The following NAV2 variants were observed in gnomAD, a reference collection of about 807,000 sequenced individuals.
NAV2 encodes helicase, APC down-regulated 1.
Under a neutral mutation model 223.2 loss-of-function variants are expected in NAV2, and 54 were observed. That is an observed-to-expected ratio of 0.24 (90% CI 0.19 to 0.30). NAV2 has a LOEUF of 0.30. NAV2 is among the 10% of genes least tolerant of loss of function. The probability of loss-of-function intolerance (pLI) is 1.00; values close to 1 mark genes in which losing one functional copy is unlikely to be tolerated. For synonymous variants in NAV2, 1,279 were observed against 1,239.3 expected (o/e 1.03, Z -0.67); for missense variants, 2,806 against 3,147.5 (o/e 0.89, Z 2.60).
At chr11:19,932,248 A>AC in intron 6 of NAV2, among the ~76,000 whole-genome samples, 4 of 149,220 alleles carry the variant, frequency 2.7e-5, no homozygotes, top group Non-Finnish European at 5.9e-5. Context: ...AAAAAAAAAA[A>AC]AAAAAAAAAA....
intron 1 of NAV2, among the ~76,000 whole-genome samples, chr11:19,694,872 G>C (rs552395683): frequency 1.3e-5 from 2 of 152,226 alleles, no homozygotes; most frequent in Non-Finnish European, 2.9e-5. Flanking sequence ...GCCTTTCTTG[G>C]GCCCAGTTCG....
Position 19,372,996 on chromosome 11 carries a change from C to T in NAV2, c.75+21969C>T, listed in dbSNP as rs575887612. ...TCTCTTTGAAACCTATGAGGGACAA[C>T]GAACATTTTTGGGAGTCGACTTGTT... On this transcript the variant is annotated intron_variant, in intron 1 of 37. Coordinates refer to the NAV2 transcript ENST00000360655. Among the ~76,000 whole-genome samples, 9 of 152,326 alleles carry T rather than the reference C, an allele frequency of 5.9e-5. No individual in the cohort carries two copies. In the East Asian group the frequency reaches 9.6e-4, roughly 16 times the overall value.
At chr11:19,963,598 T>C (rs2048522119) in intron 10 of NAV2, among the ~76,000 whole-genome samples, 1 of 152,068 alleles carries the variant, frequency 6.6e-6, no homozygotes, top group Non-Finnish European at 1.5e-5. Flanking sequence ...CTGAAAAAAA[T>C]AGCTGGAGAA....
chr11:20,043,539 C>T (rs557988394), intron 12 of NAV2, among the ~76,000 whole-genome samples: 1 of 152,112 alleles, frequency 6.6e-6, no homozygotes, highest in Non-Finnish European at 1.5e-5. Context: ...TCCACCTCCC[C>T]GGGGTGATCC....
intron 1 of NAV2, among the ~76,000 whole-genome samples, chr11:19,454,549 T>C (rs1470809870): frequency 6.6e-6 from 1 of 152,166 alleles, no homozygotes; most frequent in East Asian, 1.9e-4. Context: ...CCTGTTTGTT[T>C]GCAAGTTTGT....
chr11:19,512,559 T>C (rs1395504811), intron 1 of NAV2, among the ~76,000 whole-genome samples: 1 of 152,242 alleles, frequency 6.6e-6, no homozygotes, highest in Non-Finnish European at 1.5e-5. Flanking sequence ...GTAACTGTTC[T>C]GCATTCACAT....
At chr11:20,038,762 A>G (rs1016285074) in intron 12 of NAV2, among the ~76,000 whole-genome samples, 1 of 152,228 alleles carries the variant, frequency 6.6e-6, no homozygotes, top group Non-Finnish European at 1.5e-5. Context: ...GAAGTGGCTC[A>G]GCATGTCCAT....
At position 19,933,818 on chromosome 11, in the gene NAV2, G is replaced by A; in HGVS notation, c.1574G>A (p.Ser525Asn). 1 of 1,613,494 alleles carries A rather than the reference G, an allele frequency of 6.2e-7. No homozygotes were observed. Among genetic ancestry groups the A allele is most frequent in the Non-Finnish European group, 8.5e-7 (1 of 1,179,860 alleles). Residue 525 changes from serine to asparagine, a missense_variant, in exon 7 of 38, where the codon AGT (serine) becomes AAT (asparagine). Ser to Asn is a conservative substitution (Grantham distance 46, BLOSUM62 1). Around this residue, in one of 4 missense-constraint regions of NAV2, gnomAD observed 1,167 missense variants for 1,180.5 expected, o/e 0.99. Transcript: ENST00000349880. The surrounding 1 kb of genome is among the most constrained non-coding windows in gnomAD (Gnocchi z 4.3). The stretch of plus-strand genomic sequence containing the variant: ...AAGGAGGAGCCAAAAGAAGACCCCA[G>A]TGGAGCAGCTGTGCCCGAGATGCCA... ...DLKEEPKEDP[S>N]GAAVPEMPKK...
intron 5 of NAV2, among the ~76,000 whole-genome samples, chr11:19,883,034 T>C (rs1236796446): frequency 5.3e-5 from 8 of 152,106 alleles, no homozygotes; most frequent in Admixed American, 5.2e-4. Flanking sequence ...CCAAATTCTA[T>C]CTTTGATAAC....
At position 20,044,053 on chromosome 11, in the gene NAV2, G is replaced by A. The variant is rs751090580; in HGVS notation, c.2980G>A (p.Gly994Arg). Residue 994 changes from glycine to arginine, a missense_variant, in exon 13 of 38, where the codon GGA (glycine) becomes AGA (arginine). Transcript: ENST00000349880. ...TGGTGATGATGTCAAGAAATCAGACGGAGGCTCAGACAGCGGCATAAAAAT... is the reference window on the plus strand; with the variant it reads ...TGGTGATGATGTCAAGAAATCAGACAGAGGCTCAGACAGCGGCATAAAAAT... ...WSGDDVKKSD[G>R]GSDSGIKMEP... 6.2e-6 allele frequency: 10 copies of A among 1,614,042 alleles called. No individual in the cohort carries two copies. The Admixed American group carries it at 6.7e-5, about 11-fold the overall frequency.
At chr11:19,912,856 A>T (rs1433498608) in intron 6 of NAV2, among the ~76,000 whole-genome samples, 1 of 152,210 alleles carries the variant, frequency 6.6e-6, no homozygotes, top group East Asian at 1.9e-4. Flanking sequence ...AGAACCTTTT[A>T]GTGCATTGTG....
At chr11:19,355,369 A>G (rs577147810) in intron 1 of NAV2, among the ~76,000 whole-genome samples, 57 of 152,166 alleles carry the variant, frequency 3.7e-4, no homozygotes, top group Admixed American at 3.7e-3. Context: ...CCAGTTTTTA[A>G]AAATGTCTTT....
chr11:19,379,682 C>T (rs1387383453), intron 1 of NAV2, among the ~76,000 whole-genome samples: 1 of 152,188 alleles, frequency 6.6e-6, no homozygotes, highest in African/African-American at 2.4e-5. Flanking sequence ...GGTGAGCTGA[C>T]CAGAGCTTCA....
intron 1 of NAV2, among the ~76,000 whole-genome samples, chr11:19,406,696 A>C (rs1849912826): frequency 6.6e-6 from 1 of 152,096 alleles, no homozygotes; most frequent in South Asian, 2.1e-4. Flanking sequence ...CTCTGTCGTC[A>C]CCACTGGCTT....
At chr11:19,669,773 C>T (rs2048526531) in intron 1 of NAV2, among the ~76,000 whole-genome samples, 1 of 152,210 alleles carries the variant, frequency 6.6e-6, no homozygotes, top group South Asian at 2.1e-4. Context: ...AAGTGCCTTT[C>T]AGTGCCCTTT....
chr11:19,488,693 C>T (rs1174129096), intron 1 of NAV2, among the ~76,000 whole-genome samples: 1 of 152,120 alleles, frequency 6.6e-6, no homozygotes, highest in Non-Finnish European at 1.5e-5. Context: ...AGTTATTGCT[C>T]AATAGTGACA....
chr11:19,493,856 A>G (rs903376754), intron 1 of NAV2, among the ~76,000 whole-genome samples: 2 of 152,258 alleles, frequency 1.3e-5, no homozygotes, highest in African/African-American at 4.8e-5. Flanking sequence ...TGCAGTAAGA[A>G]AAATTATTTT....
intron 1 of NAV2, among the ~76,000 whole-genome samples, chr11:19,465,526 T>C (rs1852320135): frequency 2.6e-5 from 4 of 152,226 alleles, no homozygotes; most frequent in Admixed American, 2.6e-4. Flanking sequence ...GATGAAAGCC[T>C]AAGTAAAAAT....
intron 1 of NAV2, among the ~76,000 whole-genome samples, chr11:19,442,396 T>A (rs983389418): frequency 1.3e-5 from 2 of 152,258 alleles, no homozygotes; most frequent in Admixed American, 6.5e-5. Flanking sequence ...TAAGGCTGGC[T>A]GATACATAAG....
Sources: gnomAD v4.1 joint callset for allele counts (sites outside exome capture counted in the v4.1 genomes callset) on GRCh38, gnomAD v4.1.1 for gene constraint, gnomAD v4.1.1 regional missense constraint, Gnocchi (gnomAD v3.1) non-coding constraint, MANE v1.5 for transcripts, NCBI Gene and HGNC (gene_info 2026-07-23, HGNC 2026-07-21) for gene names.